Variants in RIMBP2 observed in about 807,000 individuals in gnomAD.
RIMBP2 encodes the protein RIMS binding protein 2.
In RIMBP2, 48 loss-of-function variants were observed where a neutral mutation model predicts 118.6. That is an observed-to-expected ratio of 0.40 (90% CI 0.32 to 0.51). The LOEUF (loss-of-function observed/expected upper bound fraction) is 0.51. Ranked by LOEUF, RIMBP2 falls within the 20% of genes least tolerant of loss-of-function variation. The pLI, the probability that RIMBP2 is intolerant of heterozygous loss-of-function variation, is 0.41. For synonymous variants in RIMBP2, 762 were observed against 742.9 expected (o/e 1.03, Z -0.42); for missense variants, 1,551 against 1,768.3 (o/e 0.88, Z 2.20).
chr12:130,571,459 G>A (rs1268664028), intron 2 of RIMBP2, among the ~76,000 whole-genome samples: 1 of 112,722 alleles, frequency 8.9e-6, no homozygotes, highest in East Asian at 2.6e-4. Flanking sequence ...TCACTTTTTT[G>A]CCCAGGCTGG....
rs2077375928 is a variant in RIMBP2 at position 130,434,652 on chromosome 12, G to A, written c.2253+82C>T. Reference sequence around the variant, plus strand: ...GGGACCCAAGGGTAGCGGGGAAAGTGCCCATGTCTCTTGATCTCCACGGGG... The same window carrying A: ...GGGACCCAAGGGTAGCGGGGAAAGTACCCATGTCTCTTGATCTCCACGGGG... On this transcript the variant is annotated intron_variant, in intron 14 of 22. Coordinates refer to ENST00000690449, the MANE Select transcript of RIMBP2 (RefSeq NM_001393629.1). The surrounding 1 kb of genome is among the most constrained non-coding windows in gnomAD (Gnocchi z 5.7). 7.0e-7 allele frequency: 1 copy of A among 1,419,354 alleles called. No homozygotes were observed. Among genetic ancestry groups the A allele is most frequent in the African/African-American group, 1.4e-5 (1 of 69,114 alleles). The allele number at this position is 1,419,354 out of a possible 1,614,324, so 87.9% of individuals were successfully genotyped here.
intron 1 of RIMBP2, among the ~76,000 whole-genome samples, chr12:130,705,725 A>G (rs2066080172): frequency 6.6e-6 from 1 of 152,264 alleles, no homozygotes; most frequent in Non-Finnish European, 1.5e-5. Context: ...ACAGGCGCCC[A>G]GCCTGCAAAA....
intron 2 of RIMBP2, among the ~76,000 whole-genome samples, chr12:130,529,430 A>G (rs2053147837): frequency 6.6e-6 from 1 of 152,212 alleles, no homozygotes; most frequent in African/African-American, 2.4e-5. Context: ...CTGCAGAGAC[A>G]GAAAGCAGAT....
chr12:130,479,511 T>C (rs2081759469), intron 4 of RIMBP2, among the ~76,000 whole-genome samples: 1 of 152,084 alleles, frequency 6.6e-6, no homozygotes. Flanking sequence ...AGAGGGAAAC[T>C]GAGGCACAGG....
At chr12:130,405,342 C>T (rs2075060794) in intron 21 of RIMBP2, among the ~76,000 whole-genome samples, 2 of 152,166 alleles carry the variant, frequency 1.3e-5, no homozygotes, top group Non-Finnish European at 2.9e-5. Context: ...CACATGCCTG[C>T]GGCTGTAGCA....
At chr12:130,503,232 C>CAA (rs199605333) in intron 4 of RIMBP2, among the ~76,000 whole-genome samples, 48,851 of 145,168 alleles carry the variant, frequency 0.34, 8,772 homozygotes, top group East Asian at 0.53. Context: ...ACTAAAAATA[C>CAA]AAAAAAAAAA....
chr12:130,679,534 G>C (rs2064666268), intron 1 of RIMBP2, among the ~76,000 whole-genome samples: 2 of 152,220 alleles, frequency 1.3e-5, no homozygotes, highest in South Asian at 4.1e-4. Context: ...GATGGACGGG[G>C]CATGAGAGCT....
chr12:130,667,012 AG>A (rs1486065321), intron 1 of RIMBP2, among the ~76,000 whole-genome samples: 1 of 49,982 alleles, frequency 2.0e-5, no homozygotes, highest in Non-Finnish European at 4.1e-5. Context: ...GGAGGGAGGG[AG>A]GGAGGGAGAG....
chr12:130,586,122 G>T (rs548673748), intron 2 of RIMBP2, among the ~76,000 whole-genome samples: 1 of 152,216 alleles, frequency 6.6e-6, no homozygotes, highest in African/African-American at 2.4e-5. Flanking sequence ...TGAGATAAAT[G>T]TATTTCATAG....
rs529673062 is a variant in RIMBP2 at position 130,622,175 on chromosome 12, C to T, written c.-217+6147G>A. Among the ~76,000 whole-genome samples the T allele has an allele frequency of 6.6e-5, 10 of 152,254 alleles. No individual in the cohort carries two copies. In the East Asian group the frequency reaches 1.9e-3, roughly 29 times the overall value. Reference sequence around the variant, plus strand: ...AAAATGAGCCCTGAGAACTTGCAGGCCTGTTTGTTTCAGGTTGGATCCTGG... The same window carrying T: ...AAAATGAGCCCTGAGAACTTGCAGGTCTGTTTGTTTCAGGTTGGATCCTGG... On this transcript the variant is annotated intron_variant, in intron 2 of 22. Coordinates refer to ENST00000690449, the MANE Select transcript of RIMBP2 (RefSeq NM_001393629.1). This position sits in a 1 kb window ranked among gnomAD's most constrained non-coding sequence, Gnocchi z 8.5.
intron 19 of RIMBP2, among the ~76,000 whole-genome samples, chr12:130,408,657 C>G (rs1292129038): frequency 6.6e-6 from 1 of 152,188 alleles, no homozygotes; most frequent in African/African-American, 2.4e-5. Context: ...AGAACCTGGC[C>G]CAATCACGAA....
At chr12:130,478,077 A>G (rs2081597649) in intron 5 of RIMBP2, among the ~76,000 whole-genome samples, 1 of 152,236 alleles carries the variant, frequency 6.6e-6, no homozygotes, top group African/African-American at 2.4e-5. Flanking sequence ...GAGAGACAGC[A>G]GGACCGTGGC....
intron 2 of RIMBP2, among the ~76,000 whole-genome samples, chr12:130,556,671 C>T (rs546971119): frequency 4.6e-5 from 7 of 152,272 alleles, no homozygotes; most frequent in African/African-American, 1.4e-4. Flanking sequence ...GGAATGGAGA[C>T]GGGGGAGGCT....
chr12:130,424,455 G>A lies in RIMBP2; in HGVS notation c.2816C>T (p.Ala939Val), dbSNP rs530499670. The A allele has an allele frequency of 2.2e-5, 27 of 1,232,162 alleles. No individual in the cohort carries two copies. The African/African-American group carries it at 2.3e-4, about 11-fold the overall frequency. 76.3% of individuals were successfully genotyped at this position (1,232,162 alleles called of 1,614,324 possible). ...GTGACCAGGGCCTGGGCTGCACGCG[G>A]CCACGGTGTTTCCGAAGCCAAACCG... is the stretch of plus-strand genomic sequence containing the variant. ...ESRFGFGNTV[A>V]ACSPGPGHCP... is the part of the protein sequence containing the mutation. The change falls in exon 16 of 23, where the codon GCC becomes GTC. Residue 939 changes from alanine to valine, a missense_variant. Physicochemically the swap from Ala to Val is moderately conservative, Grantham distance 64. Transcript: ENST00000690449. This position sits in a 1 kb window ranked among gnomAD's most constrained non-coding sequence, Gnocchi z 9.8.
chr12:130,698,176 A>C (rs778821414), intron 1 of RIMBP2, among the ~76,000 whole-genome samples: 2 of 152,136 alleles, frequency 1.3e-5, no homozygotes, highest in African/African-American at 2.4e-5. Context: ...CCAGAGATAA[A>C]GACTTTCAAG....
chr12:130,597,755 A>C (rs2059641403), intron 2 of RIMBP2, among the ~76,000 whole-genome samples: 1 of 152,270 alleles, frequency 6.6e-6, no homozygotes, highest in Non-Finnish European at 1.5e-5. Context: ...TGAGATAAAG[A>C]GCACCTATGA....
At chr12:130,430,109 C>T (rs2077061137) in intron 14 of RIMBP2, 1 of 152,280 alleles carries the variant, frequency 6.6e-6, no homozygotes, top group African/African-American at 2.4e-5. Flanking sequence ...AGGTCACCAG[C>T]ATTTCAGTGA....
Position 130,516,577 on chromosome 12 carries a change from C to T in RIMBP2, c.-127+1251G>A, listed in dbSNP as rs142028076. ...GCTGTTAGAGTGGACGTTAGAGCCA[C>T]GAATCCTTACCAGGAGGGACGCGTA... On this transcript the variant is annotated intron_variant, in intron 3 of 22. Transcript: ENST00000690449. 5.0e-3 allele frequency among the ~76,000 whole-genome samples: 762 copies of T among 152,268 alleles called. 9 individuals carry two copies. The highest frequency in any genetic ancestry group is 0.018 in the African/African-American group (728 of 41,542).
intron 4 of RIMBP2, among the ~76,000 whole-genome samples, chr12:130,479,901 C>T (rs968533187): frequency 4.6e-5 from 7 of 151,726 alleles, no homozygotes; most frequent in Admixed American, 6.6e-5. Flanking sequence ...TTGCCCTCTG[C>T]GGGCCCTTCC....
Sources: gnomAD v4.1 joint callset for allele counts (sites outside exome capture counted in the v4.1 genomes callset) on GRCh38, gnomAD v4.1.1 for gene constraint, Gnocchi (gnomAD v3.1) non-coding constraint, MANE v1.5 for transcripts, NCBI Gene and HGNC (gene_info 2026-07-23, HGNC 2026-07-21) for gene names.